Variants in ATXN1 observed in about 807,000 individuals in gnomAD.
ATXN1 encodes the protein ataxin-1.
Under a neutral mutation model 56.4 loss-of-function variants are expected in ATXN1, and 8 were observed. That is an observed-to-expected ratio of 0.14 (90% CI 0.08 to 0.26). The LOEUF (loss-of-function observed/expected upper bound fraction) is 0.26, where lower values mean the gene tolerates loss of function less well. ATXN1 is among the 10% of genes least tolerant of loss of function. The probability of loss-of-function intolerance (pLI) is 1.00; values close to 1 mark genes in which losing one functional copy is unlikely to be tolerated. For missense variants in ATXN1, 987 were observed against 1,106.5 expected (o/e 0.89, Z 1.53); for synonymous variants, 514 against 494.6 (o/e 1.04, Z -0.52).
Position 16,326,881 on chromosome 6 carries a change from C to G in ATXN1, c.1430G>C (p.Ser477Thr). Reference sequence around the variant, plus strand: ...GGGGATCACCAGGTGCTGGGGCAGGCTGCCGGCGTAGGTGATTGCTTGCTG... The same window carrying G: ...GGGGATCACCAGGTGCTGGGGCAGGGTGCCGGCGTAGGTGATTGCTTGCTG... ...GQQQAITYAG[S>T]LPQHLVIPGT... The change falls in exon 7 of 8, where the codon AGC becomes ACC. Residue 477 changes from serine to threonine, a missense_variant. This residue lies in a region of ATXN1 where 723 missense variants were observed against 791.7 expected (regional missense o/e 0.91). Coordinates refer to ENST00000436367, the MANE Select transcript of ATXN1 (RefSeq NM_001128164.2). The surrounding 1 kb of genome is among the most constrained non-coding windows in gnomAD (Gnocchi z 6.6). The G allele has an allele frequency of 1.2e-6, 2 of 1,610,976 alleles. No homozygotes were observed. Among genetic ancestry groups the G allele is most frequent in the Non-Finnish European group, 1.7e-6 (2 of 1,177,724 alleles).
intron 3 of ATXN1, among the ~76,000 whole-genome samples, chr6:16,623,975 G>C (rs1763363558): frequency 6.6e-6 from 1 of 152,174 alleles, no homozygotes; most frequent in Non-Finnish European, 1.5e-5. Flanking sequence ...CATAGAAATG[G>C]AAAAGCAGTT....
intron 6 of ATXN1, among the ~76,000 whole-genome samples, chr6:16,333,286 AG>A (rs1761032917): frequency 6.6e-6 from 1 of 152,246 alleles, no homozygotes; most frequent in African/African-American, 2.4e-5. Flanking sequence ...ATTCCCAGGA[AG>A]AAAAATGAAA....
At chr6:16,614,010 A>G (rs1434310657) in intron 3 of ATXN1, among the ~76,000 whole-genome samples, 1 of 151,576 alleles carries the variant, frequency 6.6e-6, no homozygotes, top group African/African-American at 2.4e-5. Flanking sequence ...CTTTGGGGAC[A>G]GGTAATTTCA....
intron 4 of ATXN1, among the ~76,000 whole-genome samples, chr6:16,566,205 C>T (rs9477169): frequency 0.025 from 3,758 of 152,218 alleles, 136 homozygotes; most frequent in African/African-American, 0.082. Context: ...AAATCCGTGA[C>T]ACTTAATGAC....
intron 3 of ATXN1, among the ~76,000 whole-genome samples, chr6:16,588,687 T>C (rs1268436567): frequency 6.6e-6 from 1 of 152,184 alleles, no homozygotes; most frequent in Non-Finnish European, 1.5e-5. Flanking sequence ...GAGAACTGTG[T>C]CCACTCTCAC....
intron 3 of ATXN1, among the ~76,000 whole-genome samples, chr6:16,609,496 ACC>A (rs1763067463): frequency 6.6e-6 from 1 of 152,160 alleles, no homozygotes; most frequent in East Asian, 1.9e-4. Context: ...GCAAGGAAGA[ACC>A]CCAATAGAGA....
At chr6:16,680,768 C>T (rs983171561) in intron 2 of ATXN1, among the ~76,000 whole-genome samples, 5 of 152,214 alleles carry the variant, frequency 3.3e-5, no homozygotes, top group African/African-American at 4.8e-5. Flanking sequence ...CAATACGGGA[C>T]ATGGAACATG....
chr6:16,480,009 G>A (rs922001131), intron 6 of ATXN1, among the ~76,000 whole-genome samples: 2 of 151,964 alleles, frequency 1.3e-5, no homozygotes, highest in South Asian at 2.1e-4. Flanking sequence ...AAAATTAGCC[G>A]GGCATTGTGA....
intron 3 of ATXN1, among the ~76,000 whole-genome samples, chr6:16,608,139 C>T (rs1763043561): frequency 6.6e-6 from 1 of 152,178 alleles, no homozygotes; most frequent in Admixed American, 6.5e-5. Flanking sequence ...TTCCACGCAA[C>T]CCTGGCAATA....
At chr6:16,350,013 T>C (rs1561863024) in intron 6 of ATXN1, among the ~76,000 whole-genome samples, 1 of 152,198 alleles carries the variant, frequency 6.6e-6, no homozygotes, top group African/African-American at 2.4e-5. Flanking sequence ...CTCTACAACA[T>C]TATAAAAACA....
At chr6:16,433,302 C>T (rs897308400) in intron 6 of ATXN1, among the ~76,000 whole-genome samples, 5 of 152,144 alleles carry the variant, frequency 3.3e-5, no homozygotes, top group Non-Finnish European at 4.4e-5. Flanking sequence ...AATTGGTGAT[C>T]CACACCTTCT....
rs141112771 is a variant in ATXN1 at position 16,388,474 on chromosome 6, C to T, written c.-160-60004G>A. Among the ~76,000 whole-genome samples the T allele has an allele frequency of 6.2e-3, 946 of 152,308 alleles. 5 individuals are homozygous for T. The highest frequency in any genetic ancestry group is 0.031 in the Middle Eastern group (9 of 294). On this transcript the variant is annotated intron_variant, in intron 6 of 7. Coordinates refer to ENST00000436367, the MANE Select transcript of ATXN1 (RefSeq NM_001128164.2). ...ACTCTCCTAAGACCCGGGAAGACCA[C>T]AGGCAGGTATGCTTTTGAAATAAGG...
intron 4 of ATXN1, among the ~76,000 whole-genome samples, chr6:16,576,033 C>T (rs1762413809): frequency 6.6e-6 from 1 of 151,712 alleles, no homozygotes. Flanking sequence ...AGATTTAATG[C>T]AATAAACTCA....
At chr6:16,440,070 C>T (rs1381215251) in intron 6 of ATXN1, among the ~76,000 whole-genome samples, 5 of 133,222 alleles carry the variant, frequency 3.8e-5, no homozygotes, top group South Asian at 2.4e-4. Flanking sequence ...AGCAAGACTT[C>T]GTCTCAAAAA....
chr6:16,510,863 G>C (rs754734728), intron 5 of ATXN1, among the ~76,000 whole-genome samples: 6 of 152,210 alleles, frequency 3.9e-5, no homozygotes, highest in Non-Finnish European at 8.8e-5. Flanking sequence ...GATCTGGGAA[G>C]ATTTTGTCTT....
intron 6 of ATXN1, among the ~76,000 whole-genome samples, chr6:16,369,161 C>T (rs970674990): frequency 7.2e-5 from 11 of 152,176 alleles, no homozygotes; most frequent in Non-Finnish European, 1.2e-4. Flanking sequence ...AACTTTCTTC[C>T]TCTATGTTAA....
At chr6:16,535,133 C>G (rs2113710184) in intron 4 of ATXN1, among the ~76,000 whole-genome samples, 1 of 152,358 alleles carries the variant, frequency 6.6e-6, no homozygotes, top group Admixed American at 6.5e-5. Context: ...TAAAGTCAAT[C>G]TGTAGCATGA....
At chr6:16,689,059 A>G (rs2327996) in intron 2 of ATXN1, among the ~76,000 whole-genome samples, 35,511 of 151,078 alleles carry the variant, frequency 0.24, 5,088 homozygotes, top group African/African-American at 0.41. Flanking sequence ...GTGTGTGTGT[A>G]TGTGTGTGTG....
chr6:16,760,668 G>T lies in ATXN1; in HGVS notation c.-730+630C>A, dbSNP rs1438460091. ...ACACCCGGCGAGGCCGGCCCTCCGA[G>T]GGGAGACCCCCGCCCCAGGGCGCCG... On this transcript the variant is annotated intron_variant, in intron 1 of 7. Coordinates refer to ENST00000436367, the MANE Select transcript of ATXN1 (RefSeq NM_001128164.2). The surrounding 1 kb of genome is among the most constrained non-coding windows in gnomAD (Gnocchi z 5.3). Among the ~76,000 whole-genome samples, 1 of 151,074 alleles carries T rather than the reference G, an allele frequency of 6.6e-6. No individual in the cohort carries two copies. Among genetic ancestry groups the T allele is most frequent in the Non-Finnish European group, 1.5e-5 (1 of 67,660 alleles).
Sources: gnomAD v4.1 joint callset for allele counts (sites outside exome capture counted in the v4.1 genomes callset) on GRCh38, gnomAD v4.1.1 for gene constraint, gnomAD v4.1.1 regional missense constraint, Gnocchi (gnomAD v3.1) non-coding constraint, MANE v1.5 for transcripts, NCBI Gene and HGNC (gene_info 2026-07-23, HGNC 2026-07-21) for gene names.